Variants in BMPR1B observed in about 807,000 individuals in gnomAD.
The protein encoded by BMPR1B is bone morphogenetic protein receptor type 1B.
BMPR1B carries 12 observed loss-of-function variants against 59.1 expected under a neutral mutation model. The observed-to-expected ratio is 0.20, with a 90% CI of 0.13 to 0.33. The LOEUF (loss-of-function observed/expected upper bound fraction) is 0.33, where lower values mean the gene tolerates loss of function less well. Ranked by LOEUF, BMPR1B falls within the 10% of genes least tolerant of loss-of-function variation. The probability of loss-of-function intolerance (pLI) is 1.00; values close to 1 mark genes in which losing one functional copy is unlikely to be tolerated. For missense variants in BMPR1B, 550 were observed against 610.9 expected, an observed-to-expected ratio of 0.90 and a Z score of 1.05; for synonymous variants, 237 against 207.3, an observed-to-expected ratio of 1.14 and a Z score of -1.23.
chr4:94,829,442 T>A (rs1324477615), intron 1 of BMPR1B, among the ~76,000 whole-genome samples: 1 of 151,966 alleles, frequency 6.6e-6, no homozygotes, highest in Non-Finnish European at 1.5e-5. Context: ...CCTGGATGAT[T>A]TTTGTAGAAA....
chr4:94,818,122 G>A (rs1326468620), intron 1 of BMPR1B, among the ~76,000 whole-genome samples: 5 of 152,138 alleles, frequency 3.3e-5, no homozygotes, highest in Non-Finnish European at 7.4e-5. Flanking sequence ...AAGCACTGCT[G>A]TTCTTTGTAT....
chr4:95,046,917 C>A (rs533154414), intron 3 of BMPR1B, among the ~76,000 whole-genome samples: 87 of 152,286 alleles, frequency 5.7e-4, no homozygotes, highest in African/African-American at 2.0e-3. Context: ...TCTATTGGAG[C>A]AGTTAAGTGA....
intron 2 of BMPR1B, among the ~76,000 whole-genome samples, chr4:94,967,821 C>T (rs1266922985): frequency 2.6e-5 from 4 of 151,976 alleles, no homozygotes; most frequent in East Asian, 3.9e-4. Context: ...TTTTTGGCCA[C>T]GTGAAAGAGA....
intron 3 of BMPR1B, among the ~76,000 whole-genome samples, chr4:95,044,669 A>G (rs146886683): frequency 6.6e-6 from 1 of 152,252 alleles, no homozygotes; most frequent in Non-Finnish European, 1.5e-5. Flanking sequence ...CAAGGGAGAA[A>G]GGGATTGTTT....
intron 10 of BMPR1B, among the ~76,000 whole-genome samples, chr4:95,139,708 C>T (rs893174426): frequency 1.3e-5 from 2 of 151,428 alleles, no homozygotes; most frequent in African/African-American, 2.4e-5. Flanking sequence ...TGGGACCCTC[C>T]GAGCCGGGCG....
intron 2 of BMPR1B, among the ~76,000 whole-genome samples, chr4:94,897,596 A>G (rs1410404246): frequency 6.6e-6 from 1 of 152,120 alleles, no homozygotes; most frequent in Non-Finnish European, 1.5e-5. Context: ...GAGAAAGGCA[A>G]TAATGTACAT....
At chr4:95,041,730 A>G (rs774229932) in intron 3 of BMPR1B, among the ~76,000 whole-genome samples, 1 of 151,678 alleles carries the variant, frequency 6.6e-6, no homozygotes, top group Non-Finnish European at 1.5e-5. Context: ...CTTTTATCTT[A>G]GGCATACACA....
intron 1 of BMPR1B, among the ~76,000 whole-genome samples, chr4:94,823,109 C>T (rs1473941286): frequency 6.6e-6 from 1 of 151,944 alleles, no homozygotes; most frequent in Non-Finnish European, 1.5e-5. Flanking sequence ...TTCCTGTTAA[C>T]CAGAAACTCT....
intron 1 of BMPR1B, among the ~76,000 whole-genome samples, chr4:94,768,267 A>G (rs1461515322): frequency 6.6e-6 from 1 of 152,094 alleles, no homozygotes; most frequent in African/African-American, 2.4e-5. Flanking sequence ...GATATATTTT[A>G]TATGCTTGGT....
chr4:95,130,216 C>G (rs1017722163), intron 9 of BMPR1B, among the ~76,000 whole-genome samples, 162 bp downstream of exon 9: 4 of 152,062 alleles, frequency 2.6e-5, no homozygotes, highest in Admixed American at 1.3e-4. Flanking sequence ...TAATGGGAGA[C>G]CTCACAGGAG....
intron 2 of BMPR1B, among the ~76,000 whole-genome samples, chr4:94,924,874 T>G (rs1257001763): frequency 6.6e-6 from 1 of 152,166 alleles, no homozygotes; most frequent in Non-Finnish European, 1.5e-5. Flanking sequence ...CCAAAAAATC[T>G]TCTTCATGTT....
chr4:95,052,605 TTGGC>T (rs1434174983), intron 3 of BMPR1B, among the ~76,000 whole-genome samples: 3 of 152,190 alleles, frequency 2.0e-5, no homozygotes, highest in Admixed American at 1.3e-4. Flanking sequence ...TAGAACTAAC[TTGGC>T]TGTACTGTTT....
At chr4:94,880,169 T>C (rs1227632831) in intron 2 of BMPR1B, among the ~76,000 whole-genome samples, 1 of 152,184 alleles carries the variant, frequency 6.6e-6, no homozygotes, top group Non-Finnish European at 1.5e-5. Context: ...AGGATGGCCC[T>C]AGAGCTGAAG....
chr4:94,903,724 T>C (rs1381862706), intron 2 of BMPR1B, among the ~76,000 whole-genome samples: 1 of 151,846 alleles, frequency 6.6e-6, no homozygotes, highest in African/African-American at 2.4e-5. Flanking sequence ...TCATTGGGGG[T>C]AGGCCTTAAT....
At chr4:95,054,939 A>G (rs1032198345) in intron 3 of BMPR1B, among the ~76,000 whole-genome samples, 1 of 152,210 alleles carries the variant, frequency 6.6e-6, no homozygotes, top group Non-Finnish European at 1.5e-5. Context: ...GAAAATGTCT[A>G]TAATTTTTCC....
In BMPR1B at chr4:94,987,070, A is replaced by C. The variant is rs533111261; in HGVS notation, c.-112-8970A>C. 7.4e-4 allele frequency among the ~76,000 whole-genome samples: 108 copies of C among 145,828 alleles called. No individual in the cohort carries two copies. In the South Asian group the frequency reaches 0.013, roughly 18 times the overall value. ...AAAATATATATATATATAATATATA[A>C]TATTTATGTTATATATGTATTATAT... On this transcript the variant is annotated intron_variant, in intron 2 of 12. Coordinates refer to ENST00000515059, the MANE Select transcript of BMPR1B (RefSeq NM_001203.3).
In BMPR1B at chr4:94,996,028, TCTAA is replaced by T. The variant is rs1029924102; in HGVS notation, c.-112-9_-112-6del. The T allele has an allele frequency of 7.2e-5, 11 of 152,194 alleles. No homozygotes were observed. The highest frequency in any genetic ancestry group is 2.7e-4 in the African/African-American group (11 of 41,444). 9.4% of individuals were successfully genotyped at this position (152,194 alleles called of 1,614,324 possible). Reference sequence around the variant, plus strand: ...CAATTTTTTCTGAAAATGTATTCTTTCTAACTGTCAGGTTCAGACTTCTGCTGAT... The same window carrying T: ...CAATTTTTTCTGAAAATGTATTCTTTCTGTCAGGTTCAGACTTCTGCTGAT... On this transcript the variant is annotated splice_region_variant and splice_polypyrimidine_tract_variant and intron_variant, in intron 2 of 12. Coordinates refer to ENST00000515059, the MANE Select transcript of BMPR1B (RefSeq NM_001203.3).
intron 3 of BMPR1B, among the ~76,000 whole-genome samples, chr4:95,047,038 G>A (rs1160664496): frequency 1.3e-5 from 2 of 152,158 alleles, no homozygotes; most frequent in Non-Finnish European, 2.9e-5. Context: ...TAACTGCTAT[G>A]AAACTCATTT....
intron 1 of BMPR1B, among the ~76,000 whole-genome samples, chr4:94,772,799 T>C (rs1009491431): frequency 6.6e-6 from 1 of 152,168 alleles, no homozygotes; most frequent in African/African-American, 2.4e-5. Context: ...CGATGTGACC[T>C]CTGTTCTGCG....
Sources: gnomAD v4.1 joint callset for allele counts (sites outside exome capture counted in the v4.1 genomes callset) on GRCh38, gnomAD v4.1.1 for gene constraint, MANE v1.5 for transcripts, NCBI Gene and HGNC (gene_info 2026-07-23, HGNC 2026-07-21) for gene names.